EPB41L3: variants seen among roughly 807,000 people sequenced by gnomAD.
EPB41L3 encodes band 4.1-like protein 3.
In EPB41L3, 57 loss-of-function variants were observed where a neutral mutation model predicts 127.1. The ratio of observed to expected loss-of-function variants is 0.45; its 90% CI spans 0.36 to 0.56. The LOEUF (loss-of-function observed/expected upper bound fraction) is 0.56. Among genes scored for constraint, EPB41L3 ranks in the 20% least tolerant of loss-of-function variants. The pLI is 0.00. For missense variants in EPB41L3, 1,273 were observed against 1,372.2 expected (o/e 0.93, Z 1.14); for synonymous variants, 572 against 549.5 (o/e 1.04, Z -0.57).
chr18:5,613,592 C>T (rs886631244), intron 2 of EPB41L3, among the ~76,000 whole-genome samples: 4 of 152,140 alleles, frequency 2.6e-5, no homozygotes, highest in Non-Finnish European at 5.9e-5. Context: ...TTCAGGGACC[C>T]GTGAGGTCAA....
At chr18:5,407,118 C>A in intron 15 of EPB41L3, 150 bp from the exon 16 acceptor site, 1 of 635,972 alleles carries the variant, frequency 1.6e-6, no homozygotes, top group Admixed American at 3.0e-5. Flanking sequence ...ACCACAAACA[C>A]TCTGGTGAAA....
intron 1 of EPB41L3, among the ~76,000 whole-genome samples, chr18:5,540,134 A>G (rs1459707425): frequency 2.6e-5 from 4 of 152,358 alleles, no homozygotes; most frequent in African/African-American, 9.6e-5. Flanking sequence ...ATATATAAAT[A>G]AAAATATACT....
intron 3 of EPB41L3, among the ~76,000 whole-genome samples, chr18:5,454,694 A>G (rs1358012239): frequency 6.6e-6 from 1 of 152,222 alleles, no homozygotes; most frequent in Non-Finnish European, 1.5e-5. Context: ...TCATCAGTCA[A>G]TCAATAATTG....
chr18:5,608,159 T>C (rs964045657), intron 3 of EPB41L3, among the ~76,000 whole-genome samples: 2 of 152,020 alleles, frequency 1.3e-5, no homozygotes, highest in Non-Finnish European at 2.9e-5. Flanking sequence ...GAGTGCCTGG[T>C]GGAGACAAAG....
At chr18:5,586,854 T>C (rs914450399) in intron 3 of EPB41L3, among the ~76,000 whole-genome samples, 4 of 152,154 alleles carry the variant, frequency 2.6e-5, no homozygotes, top group Non-Finnish European at 4.4e-5. Context: ...AGGCAGGTGT[T>C]GGAAAAACAG....
At chr18:5,615,500 A>G (rs2094783701) in intron 1 of EPB41L3, among the ~76,000 whole-genome samples, 1 of 152,208 alleles carries the variant, frequency 6.6e-6, no homozygotes, top group Admixed American at 6.5e-5. Context: ...AGTAAGACCT[A>G]CTATTTGAGA....
Position 5,610,299 on chromosome 18 carries a change from AT to A in EPB41L3, c.-306+2040del, listed in dbSNP as rs765770320. The A allele has an allele frequency of 1.3e-4, 125 of 985,294 alleles. 1 individual carries two copies. The highest frequency in any genetic ancestry group is 1.5e-4 in the Non-Finnish European group (122 of 829,930). 61.0% of individuals were successfully genotyped at this position (985,294 alleles called of 1,614,324 possible). ...TCAACAACTGATGCTACCTTATCCC[AT>A]TCTGAGCACGAGAATGACACTTCCC... On this transcript the variant is annotated intron_variant, in intron 3 of 21. Transcript: ENST00000545076.
intron 3 of EPB41L3, among the ~76,000 whole-genome samples, chr18:5,600,702 C>A (rs772413584): frequency 6.6e-6 from 1 of 152,156 alleles, no homozygotes; most frequent in Non-Finnish European, 1.5e-5. Flanking sequence ...TTAAAATCTA[C>A]AGTACCAACA....
chr18:5,445,173 A>C lies in EPB41L3; in HGVS notation c.453T>G (p.Phe151Leu). The C allele has an allele frequency of 3.7e-6, 6 of 1,614,132 alleles. No homozygotes were observed. The highest frequency in any genetic ancestry group is 5.1e-6 in the Non-Finnish European group (6 of 1,180,016). ...EHLNLLEKDY[F>L]GLTYRDAENQ... is the part of the protein sequence containing the mutation. ...TTTCAGCATCTCGATACGTAAGCCC[A>C]AAGTAGTCTTTCTCTAGCAAGTTCA... Residue 151 changes from phenylalanine (F) to leucine (L), a missense_variant, in exon 4 of 23, where the codon TTT (phenylalanine) becomes TTG (leucine). Coordinates refer to ENST00000341928, the MANE Select transcript of EPB41L3 (RefSeq NM_012307.5).
At chr18:5,453,505 C>T (rs1226352787) in intron 3 of EPB41L3, among the ~76,000 whole-genome samples, 1 of 152,118 alleles carries the variant, frequency 6.6e-6, no homozygotes, top group East Asian at 1.9e-4. Context: ...AGCCTCCTGC[C>T]TATGCTGGCT....
At chr18:5,471,996 G>C (rs911264280) in intron 3 of EPB41L3, among the ~76,000 whole-genome samples, 2 of 151,992 alleles carry the variant, frequency 1.3e-5, no homozygotes, top group African/African-American at 4.8e-5. Flanking sequence ...CCAAAACACA[G>C]CCTACAGTAT....
chr18:5,414,545 G>GATTTAGAC (rs1307980476), intron 13 of EPB41L3, among the ~76,000 whole-genome samples: 4 of 152,268 alleles, frequency 2.6e-5, no homozygotes, highest in African/African-American at 9.6e-5. Flanking sequence ...GCTGAGCACA[G>GATTTAGAC]ATTTAGACTT....
chr18:5,582,570 T>C (rs2094403277), intron 3 of EPB41L3, among the ~76,000 whole-genome samples: 5 of 152,212 alleles, frequency 3.3e-5, no homozygotes, highest in Admixed American at 3.3e-4. Flanking sequence ...TTTCTAAATA[T>C]TACAAATGAA....
At chr18:5,587,907 C>G (rs993151283) in intron 3 of EPB41L3, among the ~76,000 whole-genome samples, 1 of 152,060 alleles carries the variant, frequency 6.6e-6, no homozygotes, top group Non-Finnish European at 1.5e-5. Flanking sequence ...GAATGTAAAC[C>G]TTTTAGAAAT....
intron 3 of EPB41L3, among the ~76,000 whole-genome samples, chr18:5,551,611 TCA>T (rs2093966008): frequency 6.6e-6 from 1 of 152,048 alleles, no homozygotes; most frequent in South Asian, 2.1e-4. Flanking sequence ...TCCCAGGTAC[TCA>T]GGAGGCTAAG....
intron 3 of EPB41L3, among the ~76,000 whole-genome samples, chr18:5,594,183 A>C (rs1467763534): frequency 6.6e-6 from 1 of 152,236 alleles, no homozygotes; most frequent in African/African-American, 2.4e-5. Context: ...GACAGGCATA[A>C]GAAATTATAA....
intron 3 of EPB41L3, among the ~76,000 whole-genome samples, chr18:5,593,667 G>A (rs1785405): frequency 0.4 from 61,067 of 151,966 alleles, 12,959 homozygotes; most frequent in Non-Finnish European, 0.47. Flanking sequence ...GAATTTCCTC[G>A]TCCTAATAAG....
chr18:5,459,103 G>A (rs569504890), intron 3 of EPB41L3, among the ~76,000 whole-genome samples: 1 of 152,264 alleles, frequency 6.6e-6, no homozygotes, highest in African/African-American at 2.4e-5. Flanking sequence ...CCTCTCAGGA[G>A]AAGATGCCCA....
chr18:5,440,781 T>C (rs2080587926), intron 5 of EPB41L3, among the ~76,000 whole-genome samples: 2 of 152,326 alleles, frequency 1.3e-5, no homozygotes, highest in Admixed American at 1.3e-4. Context: ...TAAACATACT[T>C]AAAATCACAA....
Sources: gnomAD v4.1 joint callset for allele counts (sites outside exome capture counted in the v4.1 genomes callset) on GRCh38, gnomAD v4.1.1 for gene constraint, MANE v1.5 for transcripts, NCBI Gene and HGNC (gene_info 2026-07-23, HGNC 2026-07-21) for gene names.